Variants in AHNAK observed in about 807,000 individuals in gnomAD.
AHNAK encodes the protein AHNAK nucleoprotein, also known as neuroblast differentiation-associated protein AHNAK.
A neutral mutation model predicts 37.8 loss-of-function variants in AHNAK; 23 were observed. The ratio of observed to expected loss-of-function variants is 0.61; its 90% CI spans 0.44 to 0.86. The LOEUF (loss-of-function observed/expected upper bound fraction) is 0.86. Among genes scored for constraint, AHNAK ranks in the 40% least tolerant of loss-of-function variants. The pLI is 0.00. For synonymous variants in AHNAK, 2,481 were observed against 2,636.3 expected (o/e 0.94, Z 1.80); for missense variants, 7,411 against 7,319.4 (o/e 1.01, Z -0.46).
At chr11:62,447,922 T>C (rs190947512) in intron 5 of AHNAK, among the ~76,000 whole-genome samples, 1 of 152,124 alleles carries the variant, frequency 6.6e-6, no homozygotes, top group Admixed American at 6.5e-5. Flanking sequence ...TTGTGATCAG[T>C]GTATGCTCTG....
At chr11:62,539,741 C>T (rs371915039) in intron 1 of AHNAK, among the ~76,000 whole-genome samples, 1 of 152,312 alleles carries the variant, frequency 6.6e-6, no homozygotes, top group East Asian at 1.9e-4. Flanking sequence ...CCATTGGACC[C>T]GAAGCTGCAG....
chr11:62,516,042 A>G lies in AHNAK; in HGVS notation c.*702T>C. Reference sequence around the variant, plus strand: ...AGAAATCAGAACTAATATCAGGAACATGGCGGCATGAAGGAAACAGTTCCC... The same window carrying G: ...AGAAATCAGAACTAATATCAGGAACGTGGCGGCATGAAGGAAACAGTTCCC... On this transcript the variant is annotated 3_prime_UTR_variant, in exon 5 of 5. Transcript: ENST00000378024. 8.4e-7 allele frequency: 1 copy of G among 1,188,502 alleles called. No homozygotes were observed. Among genetic ancestry groups the G allele is most frequent in the Non-Finnish European group, 1.1e-6 (1 of 940,384 alleles). 73.6% of individuals were successfully genotyped at this position (1,188,502 alleles called of 1,614,324 possible).
At position 62,519,159 on chromosome 11, in the gene AHNAK, T is replaced by C; in HGVS notation, c.15258A>G (p.Gly5086=). Reference sequence around the variant, plus strand: ...ACTCTACATCTGGGAAGTACATTTTTCCAAACATCGTTTTCTTGGTTTTGG... The same window carrying C: ...ACTCTACATCTGGGAAGTACATTTTCCCAAACATCGTTTTCTTGGTTTTGG... ...KSPKTKKTMF[G]KMYFPDVEFD... Residue 5086 remains glycine, a synonymous_variant, in exon 5 of 5, where the codon GGA becomes GGG. Coordinates refer to ENST00000378024, the MANE Select transcript of AHNAK (RefSeq NM_001620.3). 6.2e-7 allele frequency: 1 copy of C among 1,613,690 alleles called. No individual in the cohort carries two copies.
At position 62,522,890 on chromosome 11, in the gene AHNAK, C is replaced by T; in HGVS notation, c.11527G>A (p.Asp3843Asn). 1 of 1,613,070 alleles carries T rather than the reference C, an allele frequency of 6.2e-7. No homozygotes were observed. The highest frequency in any genetic ancestry group is 1.7e-5 in the Admixed American group (1 of 59,888). Residue 3843 changes from aspartate (D) to asparagine (N), a missense_variant, in exon 5 of 5, where the codon GAT (aspartate) becomes AAT (asparagine). Asp to Asn is a conservative substitution (Grantham distance 23, BLOSUM62 1). Transcript: ENST00000378024. ...CCTTCGATATTCACATCTGGAACAT[C>T]AATGTCCACCTTGGGTCCTGAGACA... Reference protein sequence around the residue: ...LDVSGPKVDIDVPDVNIEGPE... With the variant: ...LDVSGPKVDINVPDVNIEGPE...
intron 5 of AHNAK, among the ~76,000 whole-genome samples, chr11:62,465,412 A>G (rs1160138291): frequency 6.6e-6 from 1 of 152,076 alleles, no homozygotes. Context: ...CAGGAGTTTG[A>G]GACCAGCCTG....
At chr11:62,438,264 A>AC (rs35708254) in intron 5 of AHNAK, among the ~76,000 whole-genome samples, 90,071 of 146,488 alleles carry the variant, frequency 0.61, 27,872 homozygotes, top group South Asian at 0.71. Flanking sequence ...GCTCACTGCA[A>AC]CTCTGCCTCC....
chr11:62,535,971 G>C lies in AHNAK; in HGVS notation c.128C>G (p.Ala43Gly), dbSNP rs750864349. The C allele has an allele frequency of 6.2e-7, 1 of 1,611,540 alleles. No individual in the cohort carries two copies. Among genetic ancestry groups the C allele is most frequent in the African/African-American group, 1.3e-5 (1 of 74,814 alleles). The change falls in exon 3 of 5, where the codon GCG becomes GGG. Residue 43 changes from alanine (A) to glycine (G), a missense_variant. Transcript: ENST00000378024. ...CTCCTTGACCACCCCAGTGCGGGCC[G>C]CAGGGGAGTTCTGCGTCACCTCCTG... Reference protein sequence around the residue: ...FVQEVTQNSPAARTGVVKEGD... With the variant: ...FVQEVTQNSPGARTGVVKEGD...
chr11:62,504,294 C>T (rs1939768187), intron 4 of AHNAK, among the ~76,000 whole-genome samples: 1 of 152,074 alleles, frequency 6.6e-6, no homozygotes, highest in Admixed American at 6.5e-5. Flanking sequence ...GCGTGAAGGA[C>T]AAAAAGCCTA....
intron 4 of AHNAK, among the ~76,000 whole-genome samples, chr11:62,506,013 C>CAAAAAAAAAA (rs10608015): frequency 2.3e-5 from 1 of 43,072 alleles, no homozygotes; most frequent in African/African-American, 5.6e-5. Flanking sequence ...CTGTCTCTAC[C>CAAAAAAAAAA]AAAAAAAAAA....
chr11:62,514,099 A>C (rs543095098), downstream of AHNAK, among the ~76,000 whole-genome samples: 79 of 152,274 alleles, frequency 5.2e-4, 1 homozygote, highest in Non-Finnish European at 7.6e-4. Context: ...GTTAAAAAAA[A>C]ATTTAATTGA....
chr11:62,520,415 C>T lies in AHNAK; in HGVS notation c.14002G>A (p.Glu4668Lys). The T allele has an allele frequency of 6.2e-7, 1 of 1,613,820 alleles. No homozygotes were observed. Among genetic ancestry groups the T allele is most frequent in the Non-Finnish European group, 8.5e-7 (1 of 1,179,976 alleles). Residue 4668 changes from glutamate (E) to lysine (K), a missense_variant, in exon 5 of 5, where the codon GAG becomes AAG. Transcript: ENST00000378024. The part of the protein sequence containing the change: ...PKFSMPGFKG[E>K]GPDVDVNLPK... ...AGGTTCACATCCACATCTGGGCCCTCTCCTTTGAAGCCAGGCATGCTGAAC... is the reference window on the plus strand; with the variant it reads ...AGGTTCACATCCACATCTGGGCCCTTTCCTTTGAAGCCAGGCATGCTGAAC...
intron 5 of AHNAK, among the ~76,000 whole-genome samples, chr11:62,467,685 AAAC>A (rs1022471161): frequency 6.6e-6 from 1 of 152,108 alleles, no homozygotes; most frequent in Non-Finnish European, 1.5e-5. Flanking sequence ...ACTCCGTCTC[AAAC>A]AACAACAACA....
At chr11:62,454,933 T>A (rs554263297) in intron 5 of AHNAK, among the ~76,000 whole-genome samples, 69 of 112,426 alleles carry the variant, frequency 6.1e-4, no homozygotes, top group African/African-American at 2.1e-3. Context: ...TTTATTTATT[T>A]TTTTTTTTTT....
In AHNAK at chr11:62,527,635, G is replaced by A; in HGVS notation, c.6782C>T (p.Pro2261Leu). Residue 2261 changes from proline to leucine, a missense_variant, in exon 5 of 5, where the codon CCA (proline) becomes CTA (leucine). Transcript: ENST00000378024. ...FSMPGFKGEG[P>L]EVDVNLPKAD... Reference sequence around the variant, plus strand: ...CTTGGGCAAGTTCACATCCACTTCTGGGCCCTCTCCTTTGAAGCCAGGCAT... The same window carrying A: ...CTTGGGCAAGTTCACATCCACTTCTAGGCCCTCTCCTTTGAAGCCAGGCAT... 2 of 1,613,902 alleles carry A rather than the reference G, an allele frequency of 1.2e-6. No individual in the cohort carries two copies. The highest frequency in any genetic ancestry group is 1.7e-6 in the Non-Finnish European group (2 of 1,179,976).
At position 62,531,796 on chromosome 11, in the gene AHNAK, T is replaced by C. The variant is rs1940760541; in HGVS notation, c.2621A>G (p.His874Arg). The C allele has an allele frequency of 6.2e-7, 1 of 1,613,434 alleles. No homozygotes were observed. The highest frequency in any genetic ancestry group is 8.5e-7 in the Non-Finnish European group (1 of 1,179,910). ...PDVEVQGPDW[H>R]LKMPKMKMPK... is the part of the protein sequence containing the mutation. ...CATTTTCATCTTGGGCATCTTCAGG[T>C]GCCAGTCTGGGCCTTGAACCTCCAC... The change falls in exon 5 of 5, where the codon CAC (histidine) becomes CGC (arginine). Residue 874 changes from histidine (H) to arginine (R), a missense_variant. His to Arg is a conservative substitution (Grantham distance 29). Coordinates refer to ENST00000378024, the MANE Select transcript of AHNAK (RefSeq NM_001620.3).
Position 62,518,009 on chromosome 11 carries a change from C to G in AHNAK, c.16408G>C (p.Glu5470Gln), listed in dbSNP as rs372482306. The change falls in exon 5 of 5, where the codon GAG (glutamate) becomes CAG (glutamine). Residue 5470 changes from glutamate to glutamine, a missense_variant. Glu to Gln is a conservative substitution (Grantham distance 29). Coordinates refer to ENST00000378024, the MANE Select transcript of AHNAK (RefSeq NM_001620.3). ...KVKGSLGATG[E>Q]IKGPTVGGGL... ...CCTCCGACAGTGGGGCCTTTGATCT[C>G]ACCAGTGGCCCCAAGGCTCCCTTTC... 7.4e-6 allele frequency: 12 copies of G among 1,614,072 alleles called. No individual in the cohort carries two copies. The highest frequency in any genetic ancestry group is 5.3e-5 in the African/African-American group (4 of 74,916).
chr11:62,445,641 C>A lies in AHNAK; in HGVS notation c.443-11750G>T, dbSNP rs536524081. Among the ~76,000 whole-genome samples, 215 of 152,188 alleles carry A rather than the reference C, an allele frequency of 1.4e-3. 1 individual carries two copies. Among genetic ancestry groups the A allele is most frequent in the African/African-American group, 5.1e-3 (213 of 41,506 alleles). On this transcript the variant is annotated intron_variant, in intron 5 of 5. Transcript: ENST00000257247. ...GGCTGAATGGGGAGGATCACTTGAGCACGGAAGGTCAAGGCTATAGTGACC... is the reference window on the plus strand; with the variant it reads ...GGCTGAATGGGGAGGATCACTTGAGAACGGAAGGTCAAGGCTATAGTGACC...
In AHNAK at chr11:62,452,743, C is replaced by T. The variant is rs1344600600; in HGVS notation, c.443-18852G>A. Among the ~76,000 whole-genome samples, 5 of 152,040 alleles carry T rather than the reference C, an allele frequency of 3.3e-5. 1 individual carries two copies. Among genetic ancestry groups the T allele is most frequent in the African/African-American group, 7.3e-5 (3 of 41,370 alleles). On this transcript the variant is annotated intron_variant, in intron 5 of 5. Coordinates refer to the AHNAK transcript ENST00000257247. ...TGAGATGGTAAAAGGTGTTTCAGGC[C>T]GGGCGCGGTGGCTTACCGCACCTGT...
chr11:62,504,427 G>A (rs1265732774), intron 4 of AHNAK, among the ~76,000 whole-genome samples: 1 of 151,928 alleles, frequency 6.6e-6, no homozygotes, highest in Non-Finnish European at 1.5e-5. Context: ...TAGACAATCC[G>A]CACTGGCTGC....
Sources: allele counts gnomAD v4.1 joint callset (sites outside exome capture counted in the v4.1 genomes callset), GRCh38; gene constraint gnomAD v4.1.1; transcripts MANE v1.5; gene names NCBI Gene and HGNC (gene_info 2026-07-23, HGNC 2026-07-21).